The following OPCML variants were observed in gnomAD, a reference collection of about 807,000 sequenced individuals.
OPCML encodes the protein opioid-binding protein/cell adhesion molecule.
Under a neutral mutation model 37.8 loss-of-function variants are expected in OPCML, and 13 were observed. That is an observed-to-expected ratio of 0.34 (90% CI 0.22 to 0.55). OPCML has a LOEUF of 0.55. Among genes scored for constraint, OPCML ranks in the 20% least tolerant of loss-of-function variants. The probability of loss-of-function intolerance (pLI) is 0.91; values close to 1 mark genes in which losing one functional copy is unlikely to be tolerated. For missense variants in OPCML, 341 were observed against 435.6 expected (o/e 0.78, Z 1.93); for synonymous variants, 176 against 168.8 (o/e 1.04, Z -0.33).
At chr11:133,244,060 C>A (rs1427151343) in intron 1 of OPCML, among the ~76,000 whole-genome samples, 1 of 152,176 alleles carries the variant, frequency 6.6e-6, no homozygotes, top group African/African-American at 2.4e-5. Context: ...CAGACTCCAC[C>A]TTGGGGCAGA....
chr11:133,504,403 C>A (rs1324379785), intron 1 of OPCML, among the ~76,000 whole-genome samples: 2 of 152,174 alleles, frequency 1.3e-5, no homozygotes, highest in Non-Finnish European at 2.9e-5. Flanking sequence ...CATTTGCTGA[C>A]CCTGTCTTCA....
intron 1 of OPCML, among the ~76,000 whole-genome samples, chr11:133,451,003 G>A (rs533991429): frequency 7.2e-5 from 11 of 151,772 alleles, no homozygotes; most frequent in Non-Finnish European, 1.5e-4. Flanking sequence ...TGCAATCTAT[G>A]TAATCAACAC....
At chr11:132,598,561 A>G (rs747018335) in intron 3 of OPCML, among the ~76,000 whole-genome samples, 7 of 152,200 alleles carry the variant, frequency 4.6e-5, no homozygotes. Context: ...AGCACTGCTA[A>G]GAAAATTTCA....
Position 133,158,712 on chromosome 11 carries a change from A to ATAAAAT in OPCML, c.62-215703_62-215702insATTTTA, listed in dbSNP as rs1555105904. Among the ~76,000 whole-genome samples the ATAAAAT allele has an allele frequency of 3.6e-4, 48 of 134,256 alleles. 1 individual carries two copies. Among genetic ancestry groups the ATAAAAT allele is most frequent in the African/African-American group, 1.4e-3 (47 of 33,946 alleles). The allele number at this position is 134,256 out of a possible 152,430, so 88.1% of individuals were successfully genotyped here. The stretch of plus-strand genomic sequence containing the variant: ...AGACTCTGTCTAAAAATAAAATTAA[A>ATAAAAT]AAAATAAAATAAAATAAAATAAAAT... On this transcript the variant is annotated intron_variant, in intron 1 of 7. Coordinates refer to ENST00000524381, the MANE Select transcript of OPCML (RefSeq NM_001012393.5).
At chr11:133,448,058 A>G (rs1946506992) in intron 1 of OPCML, among the ~76,000 whole-genome samples, 3 of 152,082 alleles carry the variant, frequency 2.0e-5, no homozygotes. Context: ...CCAATGTATT[A>G]TTTTTTCCTT....
chr11:132,615,590 T>G (rs1247370822), intron 3 of OPCML, among the ~76,000 whole-genome samples: 1 of 152,144 alleles, frequency 6.6e-6, no homozygotes, highest in African/African-American at 2.4e-5. Flanking sequence ...ATTTATTAGG[T>G]ATTATAAGTA....
chr11:132,714,531 G>A (rs1944394467), intron 2 of OPCML, among the ~76,000 whole-genome samples: 1 of 152,206 alleles, frequency 6.6e-6, no homozygotes, highest in South Asian at 2.1e-4. Flanking sequence ...AGCACGCAAT[G>A]CCGCATCAGA....
At chr11:132,681,581 G>A (rs553015568) in intron 2 of OPCML, among the ~76,000 whole-genome samples, 3 of 152,102 alleles carry the variant, frequency 2.0e-5, no homozygotes, top group South Asian at 2.1e-4. Context: ...AAAATCCTCC[G>A]CTTTCACCAC....
intron 3 of OPCML, among the ~76,000 whole-genome samples, chr11:132,603,079 T>C (rs552853137): frequency 1.3e-5 from 2 of 152,320 alleles, no homozygotes; most frequent in African/African-American, 4.8e-5. Flanking sequence ...TGAGAGCTTC[T>C]CTATTTCCAT....
chr11:132,728,158 G>A (rs538582146), intron 2 of OPCML, among the ~76,000 whole-genome samples: 115 of 152,342 alleles, frequency 7.5e-4, no homozygotes, highest in African/African-American at 2.5e-3. Flanking sequence ...CTGTGCCGGC[G>A]CAGCCCGCCC....
At chr11:133,054,400 C>A (rs1335607942) in intron 1 of OPCML, among the ~76,000 whole-genome samples, 1 of 152,104 alleles carries the variant, frequency 6.6e-6, no homozygotes, top group African/African-American at 2.4e-5. Flanking sequence ...TGTCACTGTA[C>A]CCCAGCCACA....
chr11:133,274,484 G>GGAA (rs1239392874), intron 1 of OPCML, among the ~76,000 whole-genome samples: 1 of 152,204 alleles, frequency 6.6e-6, no homozygotes, highest in African/African-American at 2.4e-5. Context: ...ACCAGACATG[G>GGAA]GAAGAGTCAA....
chr11:133,075,408 C>A (rs1450366605), intron 1 of OPCML, among the ~76,000 whole-genome samples: 1 of 152,220 alleles, frequency 6.6e-6, no homozygotes, highest in African/African-American at 2.4e-5. Context: ...GCAGGAGAAT[C>A]TCTGCATTCT....
intron 1 of OPCML, among the ~76,000 whole-genome samples, chr11:133,514,157 C>T (rs2120645796): frequency 6.6e-6 from 1 of 152,310 alleles, no homozygotes; most frequent in Admixed American, 6.5e-5. Flanking sequence ...GACCTTGGAG[C>T]TACAGCATTG....
In OPCML at chr11:132,417,425, G is replaced by A. The variant is rs912701423; in HGVS notation, c.*2768C>T. On this transcript the variant is annotated 3_prime_UTR_variant, in exon 8 of 8. Transcript: ENST00000524381. The stretch of plus-strand genomic sequence containing the variant: ...TACCCCAGACAGATGAGGATCAACT[G>A]TAGCATTTCTCTCCCTCTGAAACGT... 6.6e-6 allele frequency: 1 copy of A among 152,198 alleles called. No homozygotes were observed. The highest frequency in any genetic ancestry group is 2.4e-5 in the African/African-American group (1 of 41,438). 9.4% of individuals were successfully genotyped at this position (152,198 alleles called of 1,614,324 possible). A position where few individuals can be genotyped will look rare whatever the true frequency, so the allele number is the denominator to read the frequency against.
chr11:132,853,904 G>T (rs1254408147), intron 2 of OPCML, among the ~76,000 whole-genome samples: 1 of 152,136 alleles, frequency 6.6e-6, no homozygotes, highest in Non-Finnish European at 1.5e-5. Context: ...TCTCCAGTAG[G>T]CAGTTAAATT....
chr11:133,439,208 C>T (rs1049201258), intron 1 of OPCML: 1 of 859,002 alleles, frequency 1.2e-6, no homozygotes, highest in Non-Finnish European at 1.4e-6. Flanking sequence ...AGCCCTTAAC[C>T]TGCAGGTCCT....
At chr11:133,226,088 T>A (rs1046456112) in intron 1 of OPCML, among the ~76,000 whole-genome samples, 1 of 152,244 alleles carries the variant, frequency 6.6e-6, no homozygotes, top group African/African-American at 2.4e-5. Context: ...CTGTGGTCAC[T>A]GCAGAGCCCT....
chr11:132,450,496 G>T (rs997774014), intron 4 of OPCML, among the ~76,000 whole-genome samples: 3 of 152,126 alleles, frequency 2.0e-5, no homozygotes, highest in Non-Finnish European at 4.4e-5. Context: ...CCGTAGAGGG[G>T]CCTCCTGCAG....
Sources: gnomAD v4.1 joint callset for allele counts (sites outside exome capture counted in the v4.1 genomes callset) on GRCh38, gnomAD v4.1.1 for gene constraint, MANE v1.5 for transcripts, NCBI Gene and HGNC (gene_info 2026-07-23, HGNC 2026-07-21) for gene names.